TSPAN5: variants seen among roughly 807,000 people sequenced by gnomAD.
The protein encoded by TSPAN5 is tetraspanin 5.
In TSPAN5, 10 loss-of-function variants were observed where a neutral mutation model predicts 37.1. The ratio of observed to expected loss-of-function variants is 0.27; its 90% CI spans 0.17 to 0.46. The LOEUF (loss-of-function observed/expected upper bound fraction) is 0.46, where lower values mean the gene tolerates loss of function less well. Among genes scored for constraint, TSPAN5 ranks in the 20% least tolerant of loss-of-function variants. The probability of loss-of-function intolerance (pLI) is 1.00; values close to 1 mark genes in which losing one functional copy is unlikely to be tolerated. For synonymous variants in TSPAN5, 110 were observed against 118.9 expected (o/e 0.93, Z 0.48); for missense variants, 195 against 326.6 (o/e 0.60, Z 3.11).
intron 3 of TSPAN5, 28 bp downstream of exon 3, chr4:98,486,710 A>C (rs577779683): frequency 6.2e-7 from 1 of 1,613,700 alleles, no homozygotes; most frequent in East Asian, 2.2e-5. Context: ...TTGGCTCTCA[A>C]TCTGAGAGTA....
intron 1 of TSPAN5, among the ~76,000 whole-genome samples, chr4:98,549,272 T>G (rs1478711227): frequency 6.6e-6 from 1 of 151,480 alleles, no homozygotes; most frequent in Non-Finnish European, 1.5e-5. Context: ...TCATTGTGGT[T>G]GTTTTATTTT....
chr4:98,531,066 T>C (rs1021658018), intron 1 of TSPAN5, among the ~76,000 whole-genome samples: 1 of 152,190 alleles, frequency 6.6e-6, no homozygotes, highest in African/African-American at 2.4e-5. Flanking sequence ...TTCTCTATTT[T>C]TATTTATTCT....
intron 2 of TSPAN5, chr4:98,496,376 T>C (rs761913123): frequency 5.3e-5 from 8 of 152,046 alleles, no homozygotes; most frequent in Non-Finnish European, 8.8e-5. Flanking sequence ...TCCAGGGAGA[T>C]GTAAGGGAGC....
intron 1 of TSPAN5, among the ~76,000 whole-genome samples, chr4:98,612,400 T>G (rs1191352793): frequency 6.6e-6 from 1 of 152,192 alleles, no homozygotes; most frequent in Non-Finnish European, 1.5e-5. Flanking sequence ...ATCAAAGGAT[T>G]TACAAGAACA....
chr4:98,646,151 AG>A, intron 1 of TSPAN5, among the ~76,000 whole-genome samples: 1 of 152,024 alleles, frequency 6.6e-6, no homozygotes. Flanking sequence ...TATGCCCTAG[AG>A]GAGAAGCCAG....
chr4:98,503,897 T>G (rs1753413741), intron 2 of TSPAN5, among the ~76,000 whole-genome samples: 1 of 152,186 alleles, frequency 6.6e-6, no homozygotes, highest in Non-Finnish European at 1.5e-5. Context: ...TTGTTAATGT[T>G]CCTTCCAAAC....
intron 7 of TSPAN5, among the ~76,000 whole-genome samples, chr4:98,473,278 T>C (rs963446038): frequency 4.6e-5 from 7 of 152,174 alleles, no homozygotes; most frequent in African/African-American, 1.7e-4. Context: ...GGTTGCAACA[T>C]TTTCATTTCC....
intron 6 of TSPAN5, 30 bp downstream of exon 6, chr4:98,476,383 T>C: frequency 2.5e-6 from 4 of 1,614,176 alleles, no homozygotes; most frequent in Non-Finnish European, 3.4e-6. Flanking sequence ...ACACCCTTCG[T>C]GCTAAGCAAC....
At chr4:98,556,092 C>T (rs1054017857) in intron 1 of TSPAN5, among the ~76,000 whole-genome samples, 4 of 140,118 alleles carry the variant, frequency 2.9e-5, no homozygotes, top group African/African-American at 1.0e-4. Context: ...CAGCACTGAA[C>T]TGGCATCTTC....
chr4:98,479,626 C>T (rs1275024819), intron 4 of TSPAN5, among the ~76,000 whole-genome samples: 2 of 152,172 alleles, frequency 1.3e-5, no homozygotes, highest in African/African-American at 2.4e-5. Flanking sequence ...ATGCCCTCAT[C>T]TTGCCACGGC....
intron 1 of TSPAN5, among the ~76,000 whole-genome samples, chr4:98,519,062 G>A (rs1274767917): frequency 6.6e-6 from 1 of 152,156 alleles, no homozygotes; most frequent in Non-Finnish European, 1.5e-5. Flanking sequence ...AGACAAATTG[G>A]GAGGCTACTA....
At chr4:98,592,428 G>GTTTTTTTTT (rs35941064) in intron 1 of TSPAN5, among the ~76,000 whole-genome samples, 23 of 119,094 alleles carry the variant, frequency 1.9e-4, no homozygotes, top group Admixed American at 3.5e-4. Context: ...TCTGTTTTTT[G>GTTTTTTTTT]TTTTTTTTTT....
At chr4:98,551,856 TG>T (rs1428055234) in intron 1 of TSPAN5, among the ~76,000 whole-genome samples, 1 of 152,086 alleles carries the variant, frequency 6.6e-6, no homozygotes, top group Non-Finnish European at 1.5e-5. Context: ...GGGCTTTTTT[TG>T]TTGAGAGATT....
rs111716752 is a variant in TSPAN5, at chr4:98,499,130, G to A, written c.132+8548C>T. 6.1e-3 allele frequency among the ~76,000 whole-genome samples: 933 copies of A among 152,294 alleles called. 11 individuals are homozygous for A. The highest frequency in any genetic ancestry group is 0.021 in the African/African-American group (888 of 41,554). Reference sequence around the variant, plus strand: ...CTACCAAGCTCAAGGAAATCACTAGGCACAGGGACTCAGCAGGGGAGCTTC... The same window carrying A: ...CTACCAAGCTCAAGGAAATCACTAGACACAGGGACTCAGCAGGGGAGCTTC... On this transcript the variant is annotated intron_variant, in intron 2 of 7. Transcript: ENST00000305798.
chr4:98,490,955 G>C (rs1439878360), intron 2 of TSPAN5, among the ~76,000 whole-genome samples: 1 of 152,088 alleles, frequency 6.6e-6, no homozygotes, highest in African/African-American at 2.4e-5. Flanking sequence ...CCAGCAACTC[G>C]GGAGGCTGAG....
intron 1 of TSPAN5, among the ~76,000 whole-genome samples, chr4:98,566,663 A>G (rs968401616): frequency 1.3e-5 from 2 of 152,156 alleles, no homozygotes; most frequent in Non-Finnish European, 2.9e-5. Context: ...CTGATGTTGT[A>G]AGAGGCTTTT....
chr4:98,609,121 A>AT (rs1475601855), intron 1 of TSPAN5, among the ~76,000 whole-genome samples: 1 of 152,178 alleles, frequency 6.6e-6, no homozygotes, highest in Non-Finnish European at 1.5e-5. Context: ...GATGCAAAAA[A>AT]AATGAAAAGA....
At position 98,472,373 on chromosome 4, in the gene TSPAN5, T is replaced by G; in HGVS notation, c.*149A>C. The G allele has an allele frequency of 1.8e-6, 1 of 554,666 alleles. No homozygotes were observed. The allele number at this position is 554,666 out of a possible 1,614,324, so 34.4% of individuals were successfully genotyped here. A position where few individuals can be genotyped will look rare whatever the true frequency, so the allele number is the denominator to read the frequency against. ...TCTGTCAGTGAGCAGCATTTCCCAG[T>G]TTTACACTCCCCTAATGGCAGCTCC... On this transcript the variant is annotated 3_prime_UTR_variant, in exon 8 of 8. Coordinates refer to ENST00000305798, the MANE Select transcript of TSPAN5 (RefSeq NM_005723.4).
At chr4:98,634,750 A>ATT (rs1756818271) in intron 1 of TSPAN5, among the ~76,000 whole-genome samples, 1 of 152,230 alleles carries the variant, frequency 6.6e-6, no homozygotes, top group African/African-American at 2.4e-5. Flanking sequence ...AGCACCCAAA[A>ATT]TGGTGACAGA....
Sources: gnomAD v4.1 joint callset for allele counts (sites outside exome capture counted in the v4.1 genomes callset) on GRCh38, gnomAD v4.1.1 for gene constraint, MANE v1.5 for transcripts, NCBI Gene and HGNC (gene_info 2026-07-23, HGNC 2026-07-21) for gene names.